Variants in CCDC7 observed in about 807,000 individuals in gnomAD.
CCDC7 encodes the protein coiled-coil domain-containing protein 7.
CCDC7 carries 183 observed loss-of-function variants against 196.9 expected under a neutral mutation model. The observed-to-expected ratio is 0.93, with a 90% CI of 0.82 to 1.05. CCDC7 has a LOEUF of 1.05. CCDC7 is among the 50% of genes least tolerant of loss of function. CCDC7 has a pLI of 0.00. For synonymous variants in CCDC7, 525 were observed against 484.6 expected, an observed-to-expected ratio of 1.08 and a Z score of -1.10; for missense variants, 1,540 against 1,482.2, an observed-to-expected ratio of 1.04 and a Z score of -0.64.
At chr10:32,603,915 G>T (rs1253999538) in intron 18 of CCDC7, among the ~76,000 whole-genome samples, 3 of 151,934 alleles carry the variant, frequency 2.0e-5, no homozygotes, top group African/African-American at 7.2e-5. Context: ...CCTTTTTATT[G>T]ATTGTTTCTT....
At chr10:32,526,315 G>A (rs1433688396) in intron 11 of CCDC7, among the ~76,000 whole-genome samples, 1 of 152,140 alleles carries the variant, frequency 6.6e-6, no homozygotes, top group Non-Finnish European at 1.5e-5. Context: ...AGGGCAGTGG[G>A]TTCCCCTCTG....
At chr10:32,480,763 T>C (rs2039821272) in intron 8 of CCDC7, among the ~76,000 whole-genome samples, 1 of 152,180 alleles carries the variant, frequency 6.6e-6, no homozygotes, top group African/African-American at 2.4e-5. Context: ...CTTACTGGCC[T>C]AACACAAGAT....
intron 23 of CCDC7, among the ~76,000 whole-genome samples, chr10:32,690,120 C>G (rs1384615154): frequency 6.6e-6 from 1 of 152,168 alleles, no homozygotes; most frequent in Admixed American, 6.6e-5. Flanking sequence ...AGAAATCAAT[C>G]CTAGGCATTT....
chr10:32,759,414 G>C (rs995089372), intron 28 of CCDC7, among the ~76,000 whole-genome samples: 1 of 152,178 alleles, frequency 6.6e-6, no homozygotes. Context: ...CAATGGAATA[G>C]AATAGAGCCC....
At chr10:32,806,986 A>C (rs2085977158) in intron 30 of CCDC7, among the ~76,000 whole-genome samples, 1 of 152,194 alleles carries the variant, frequency 6.6e-6, no homozygotes. Flanking sequence ...AAAAAGCTAA[A>C]TGAAGGACTG....
chr10:32,845,029 TA>T (rs35348718), intron 33 of CCDC7, among the ~76,000 whole-genome samples: 6,883 of 151,546 alleles, frequency 0.045, 211 homozygotes, highest in Non-Finnish European at 0.072. Flanking sequence ...GTCACCAAGG[TA>T]AAAAAAATTT....
At chr10:32,830,129 T>TATATATATATATATATATGG (rs1555181071) in intron 32 of CCDC7, among the ~76,000 whole-genome samples, 3 of 107,918 alleles carry the variant, frequency 2.8e-5, no homozygotes, top group Non-Finnish European at 6.3e-5. Context: ...AGGATATATA[T>TATATATATATATATATATGG]ATATATATAT....
rs2077512923 is a variant in CCDC7, at chr10:32,694,871, T to G, written c.2345-8T>G. On this transcript the variant is annotated splice_region_variant and splice_polypyrimidine_tract_variant and intron_variant, in intron 23 of 41. Coordinates refer to ENST00000639629, the Ensembl canonical transcript of CCDC7. ...CCATTAAGAGACTAAATGCATCTCC[T>G]TATGTAGCTCATGATGAAGAACCAG... 1 of 1,564,226 alleles carries G rather than the reference T, an allele frequency of 6.4e-7. No individual in the cohort carries two copies. The highest frequency in any genetic ancestry group is 8.7e-7 in the Non-Finnish European group (1 of 1,145,920).
chr10:32,760,523 C>G (rs1258902454), intron 28 of CCDC7, among the ~76,000 whole-genome samples: 1 of 152,074 alleles, frequency 6.6e-6, no homozygotes, highest in African/African-American at 2.4e-5. Flanking sequence ...CATATTCTCA[C>G]TCATAGGTGG....
chr10:32,688,290 A>G (rs1230091073), intron 22 of CCDC7, among the ~76,000 whole-genome samples: 2 of 152,152 alleles, frequency 1.3e-5, no homozygotes, highest in Non-Finnish European at 2.9e-5. Context: ...CAAATTTAAT[A>G]TAAATCTCAA....
intron 29 of CCDC7, 92 bp downstream of exon 30, chr10:32,779,176 AAAG>A (rs1184271060): frequency 6.6e-6 from 6 of 907,438 alleles, no homozygotes; most frequent in South Asian, 2.0e-5. Flanking sequence ...CAGGAAATTC[AAAG>A]AAGGAGTAGT....
intron 9 of CCDC7, among the ~76,000 whole-genome samples, chr10:32,506,992 G>A (rs1377895373): frequency 6.6e-6 from 1 of 152,102 alleles, no homozygotes; most frequent in Admixed American, 6.5e-5. Context: ...GATTTGCATG[G>A]AGTATCTTTT....
chr10:32,751,042 T>C (rs1406255465), intron 28 of CCDC7, among the ~76,000 whole-genome samples: 2 of 152,190 alleles, frequency 1.3e-5, no homozygotes, highest in Non-Finnish European at 2.9e-5. Flanking sequence ...TAACTAGTTA[T>C]GAAGGCAATT....
intron 29 of CCDC7, among the ~76,000 whole-genome samples, chr10:32,803,990 TC>T (rs1489995085): frequency 1.3e-5 from 2 of 152,306 alleles, no homozygotes; most frequent in East Asian, 3.9e-4. Flanking sequence ...ATCACTACTT[TC>T]TAATATAAAT....
At chr10:32,614,165 CTTCTTTGT>C (rs1348117554) in intron 18 of CCDC7, among the ~76,000 whole-genome samples, 1 of 151,154 alleles carries the variant, frequency 6.6e-6, no homozygotes, top group Non-Finnish European at 1.5e-5. Flanking sequence ...ATGTAATGCC[CTTCTTTGT>C]TTCTTTTGAT....
At chr10:32,596,663 C>G (rs977701442) in intron 18 of CCDC7, among the ~76,000 whole-genome samples, 8 of 152,160 alleles carry the variant, frequency 5.3e-5, no homozygotes, top group African/African-American at 1.9e-4. Context: ...TTTGCAGTGG[C>G]TGGTTGTTCC....
At chr10:32,566,861 C>T (rs746595507) in intron 14 of CCDC7, among the ~76,000 whole-genome samples, 1 of 144,732 alleles carries the variant, frequency 6.9e-6, no homozygotes, top group Non-Finnish European at 1.5e-5. Flanking sequence ...TGCAAAAAAA[C>T]CCCGCAGATA....
chr10:32,720,290 C>T (rs942777443), intron 25 of CCDC7, among the ~76,000 whole-genome samples: 2 of 151,368 alleles, frequency 1.3e-5, no homozygotes, highest in African/African-American at 4.8e-5. Flanking sequence ...ACTAACACAG[C>T]AAACTAACAA....
chr10:32,464,408 A>C (rs943416165), intron 5 of CCDC7, among the ~76,000 whole-genome samples: 4 of 152,148 alleles, frequency 2.6e-5, no homozygotes, highest in African/African-American at 9.7e-5. Context: ...TTTCCTGTTA[A>C]GACAGATATA....
Sources: allele counts gnomAD v4.1 joint callset (sites outside exome capture counted in the v4.1 genomes callset), GRCh38; gene constraint gnomAD v4.1.1; transcripts MANE v1.5; gene names NCBI Gene and HGNC (gene_info 2026-07-23, HGNC 2026-07-21).